SLURP1: variants seen among roughly 807,000 people sequenced by gnomAD.
SLURP1 encodes the protein secreted Ly-6/uPAR-related protein 1.
A neutral mutation model predicts 7.9 loss-of-function variants in SLURP1; 2 were observed. The ratio of observed to expected loss-of-function variants is 0.25; its 90% CI spans 0.10 to 0.79. The LOEUF (loss-of-function observed/expected upper bound fraction) is 0.79, where lower values mean the gene tolerates loss of function less well. Ranked by LOEUF, SLURP1 falls within the 30% of genes least tolerant of loss-of-function variation. The pLI, the probability that SLURP1 is intolerant of heterozygous loss-of-function variation, is 0.69. For synonymous variants in SLURP1, 59 were observed against 54.9 expected, an observed-to-expected ratio of 1.07 and a Z score of -0.33; for missense variants, 111 against 139.8, an observed-to-expected ratio of 0.79 and a Z score of 1.04.
At chr8:142,742,041 A>G in intron 1 of SLURP1, 119 bp from the exon 2 acceptor site, 1 of 1,490,942 alleles carries the variant, frequency 6.7e-7, no homozygotes, top group Non-Finnish European at 9.1e-7. Context: ...GCAGCCCTTC[A>G]AGGGGCCTCT....
At position 142,741,868 on chromosome 8, in the gene SLURP1, C is replaced by T. The variant is rs1815877020; in HGVS notation, c.113G>A (p.Arg38Lys). 1 of 1,613,184 alleles carries T rather than the reference C, an allele frequency of 6.2e-7. No homozygotes were observed. Among genetic ancestry groups the T allele is most frequent in the African/African-American group, 1.3e-5 (1 of 74,932 alleles). Residue 38 changes from arginine (R) to lysine (K), a missense_variant, in exon 2 of 3, where the codon AGG becomes AAG. Arg to Lys is a conservative substitution (Grantham distance 26, BLOSUM62 2). Transcript: ENST00000246515. This position sits in a 1 kb window ranked among gnomAD's most constrained non-coding sequence, Gnocchi z 4.3. ...CKEPMTSASC[R>K]TITRCKPEDT... is the part of the protein sequence containing the mutation. ...CTCTGGCTTGCAGCGGGTAATGGTCCTGCAGGAAGCACTGGTCATGGGCTC... is the reference window on the plus strand; with the variant it reads ...CTCTGGCTTGCAGCGGGTAATGGTCTTGCAGGAAGCACTGGTCATGGGCTC...
Position 142,741,811 on chromosome 8 carries a change from A to G in SLURP1, c.170T>C (p.Val57Ala), listed in dbSNP as rs1815875695. 1.9e-6 allele frequency: 3 copies of G among 1,612,070 alleles called. No homozygotes were observed. The highest frequency in any genetic ancestry group is 4.5e-5 in the East Asian group (2 of 44,872). ...GTGGGGCCTGGCCTCACCTGCCTCC[A>G]CCGTCACCAGCGTGGTCATGCAGGC... ...DTACMTTLVT[V>A]EAEYPFNQSP... Residue 57 changes from valine (V) to alanine (A), a missense_variant, in exon 2 of 3, where the codon GTG becomes GCG. Coordinates refer to ENST00000246515, the MANE Select transcript of SLURP1 (RefSeq NM_020427.3). This position sits in a 1 kb window ranked among gnomAD's most constrained non-coding sequence, Gnocchi z 4.3.
At position 142,741,434 on chromosome 8, in the gene SLURP1, C is replaced by T. The variant is rs1815867177; in HGVS notation, c.179-158G>A. ...CACCCAGGGCCCAGCCCTCCTCTGA[C>T]TGTGACCTGTTCATGAATTATTAGG... is the stretch of plus-strand genomic sequence containing the variant. On this transcript the variant is annotated intron_variant, in intron 2 of 2. Coordinates refer to ENST00000246515, the MANE Select transcript of SLURP1 (RefSeq NM_020427.3). The surrounding 1 kb of genome is among the most constrained non-coding windows in gnomAD (Gnocchi z 4.3). Among the ~76,000 whole-genome samples the T allele has an allele frequency of 6.6e-6, 1 of 152,240 alleles. No individual in the cohort carries two copies.
rs1030067997 is a variant in SLURP1 at position 142,741,351 on chromosome 8, G to A, written c.179-75C>T. ...TGCTGCTGCACTGCTCCCAGCCGCC[G>A]TCGCCTGACCTCACCCTCCCTGTGA... On this transcript the variant is annotated intron_variant, in intron 2 of 2. Coordinates refer to ENST00000246515, the MANE Select transcript of SLURP1 (RefSeq NM_020427.3). The surrounding 1 kb of genome is among the most constrained non-coding windows in gnomAD (Gnocchi z 4.3). The A allele has an allele frequency of 2.4e-5, 36 of 1,507,716 alleles. No homozygotes were observed. The South Asian group carries it at 3.2e-4, about 14-fold the overall frequency. 93.4% of individuals were successfully genotyped at this position (1,507,716 alleles called of 1,614,324 possible). A position where few individuals can be genotyped will look rare whatever the true frequency, so the allele number is the denominator to read the frequency against.
In SLURP1 at chr8:142,741,845, C is replaced by G; in HGVS notation, c.136G>C (p.Glu46Gln). 6.2e-7 allele frequency: 1 copy of G among 1,613,280 alleles called. No individual in the cohort carries two copies. The highest frequency in any genetic ancestry group is 1.1e-5 in the South Asian group (1 of 91,088). ...AGCGTGGTCATGCAGGCTGTGTCCT[C>G]TGGCTTGCAGCGGGTAATGGTCCTG... ...SCRTITRCKP[E>Q]DTACMTTLVT... The change falls in exon 2 of 3, where the codon GAG (glutamate) becomes CAG (glutamine). Residue 46 changes from glutamate (E) to glutamine (Q), a missense_variant. Physicochemically the swap from Glu to Gln is conservative, Grantham distance 29. Transcript: ENST00000246515. The surrounding 1 kb of genome is among the most constrained non-coding windows in gnomAD (Gnocchi z 4.3).
Position 142,741,940 on chromosome 8 carries a change from G to C in SLURP1, c.59-18C>G, listed in dbSNP as rs373717986. The C allele has an allele frequency of 6.2e-7, 1 of 1,610,442 alleles. No homozygotes were observed. Among genetic ancestry groups the C allele is most frequent in the Non-Finnish European group, 8.5e-7 (1 of 1,179,914 alleles). On this transcript the variant is annotated intron_variant, in intron 1 of 2. Transcript: ENST00000246515. This position sits in a 1 kb window ranked among gnomAD's most constrained non-coding sequence, Gnocchi z 4.3. ...GGCCTCACCTGGGTGAGGGATGGGG[G>C]CAGAACCTCATCACCTGACCTCGGT...
chr8:142,741,002 CT>C lies in SLURP1; in HGVS notation c.*140del, dbSNP rs1270830352. On this transcript the variant is annotated 3_prime_UTR_variant, in exon 3 of 3. Coordinates refer to ENST00000246515, the MANE Select transcript of SLURP1 (RefSeq NM_020427.3). This position sits in a 1 kb window ranked among gnomAD's most constrained non-coding sequence, Gnocchi z 4.3. ...GGGGTATGGAAGGCAGAGGGCGCCC[CT>C]GGTGTGCTTCTCTCCCCTCAGACCC... is the stretch of plus-strand genomic sequence containing the variant. 32 of 1,267,496 alleles carry C rather than the reference CT, an allele frequency of 2.5e-5. No homozygotes were observed. The highest frequency in any genetic ancestry group is 3.7e-5 in the Admixed American group (2 of 53,446). The allele number at this position is 1,267,496 out of a possible 1,614,324, so 78.5% of individuals were successfully genotyped here.
At position 142,741,886 on chromosome 8, in the gene SLURP1, A is replaced by G; in HGVS notation, c.95T>C (p.Met32Thr). The G allele has an allele frequency of 1.2e-6, 2 of 1,613,088 alleles. No individual in the cohort carries two copies. Among genetic ancestry groups the G allele is most frequent in the Non-Finnish European group, 1.7e-6 (2 of 1,179,970 alleles). The stretch of plus-strand genomic sequence containing the variant: ...AATGGTCCTGCAGGAAGCACTGGTC[A>G]TGGGCTCCTTGCAGGTGTAGCACTT... ...ALKCYTCKEP[M>T]TSASCRTITR... The change falls in exon 2 of 3, where the codon ATG becomes ACG. Residue 32 changes from methionine to threonine, a missense_variant. Physicochemically the swap from Met to Thr is moderately conservative, Grantham distance 81. Transcript: ENST00000246515. The surrounding 1 kb of genome is among the most constrained non-coding windows in gnomAD (Gnocchi z 4.3).
At position 142,741,612 on chromosome 8, in the gene SLURP1, C is replaced by A. The variant is rs898721531; in HGVS notation, c.178+191G>T. Among the ~76,000 whole-genome samples the A allele has an allele frequency of 2.0e-5, 3 of 152,212 alleles. No homozygotes were observed. The highest frequency in any genetic ancestry group is 4.4e-5 in the Non-Finnish European group (3 of 68,034). On this transcript the variant is annotated intron_variant, in intron 2 of 2. Transcript: ENST00000246515. This position sits in a 1 kb window ranked among gnomAD's most constrained non-coding sequence, Gnocchi z 4.3. Reference sequence around the variant, plus strand: ...CCCACCCACCTCCAGCGCCTGGTGCCCCAGGACTGGGTCTCTGAGGGGGCT... The same window carrying A: ...CCCACCCACCTCCAGCGCCTGGTGCACCAGGACTGGGTCTCTGAGGGGGCT...
intron 1 of SLURP1, 136 bp downstream of exon 1, chr8:142,742,192 T>C: frequency 1.9e-6 from 2 of 1,073,304 alleles, no homozygotes; most frequent in Non-Finnish European, 2.8e-6. Flanking sequence ...GGAGGCTCAC[T>C]GAGAATGAGG....
intron 1 of SLURP1, among the ~76,000 whole-genome samples, 177 bp downstream of exon 1, chr8:142,742,151 G>C (rs1368393868): frequency 6.6e-6 from 1 of 152,182 alleles, no homozygotes; most frequent in Non-Finnish European, 1.5e-5. Context: ...CGTGACCCCT[G>C]TCCCAGGGTG....
At chr8:142,742,289 C>T in intron 1 of SLURP1, 39 bp downstream of exon 1, 1 of 1,609,096 alleles carries the variant, frequency 6.2e-7, no homozygotes, top group Non-Finnish European at 8.5e-7. Flanking sequence ...GGCAGACAAG[C>T]TCAGAGGCAG....
rs1815864531 is a variant in SLURP1 at position 142,741,318 on chromosome 8, C to T, written c.179-42G>A. The stretch of plus-strand genomic sequence containing the variant: ...TGTCAGAACCCTCACTCCCCTGCAG[C>T]GCCTGCCTGCTGCTGCACTGCTCCC... On this transcript the variant is annotated intron_variant, in intron 2 of 2. Coordinates refer to ENST00000246515, the MANE Select transcript of SLURP1 (RefSeq NM_020427.3). This position sits in a 1 kb window ranked among gnomAD's most constrained non-coding sequence, Gnocchi z 4.3. 3.9e-6 allele frequency: 6 copies of T among 1,543,860 alleles called. No homozygotes were observed. The highest frequency in any genetic ancestry group is 3.5e-5 in the South Asian group (3 of 84,738).
rs1210142051 is a variant in SLURP1, at chr8:142,741,277, C to G, written c.179-1G>C. On this transcript the variant is annotated splice_acceptor_variant, in intron 2 of 2. Coordinates refer to ENST00000246515, the MANE Select transcript of SLURP1 (RefSeq NM_020427.3). LOFTEE classifies it high-confidence loss of function. The surrounding 1 kb of genome is among the most constrained non-coding windows in gnomAD (Gnocchi z 4.3). ...ACGGGGCTCTGGTTGAAGGGGTACT[C>G]TGCAGGGTGGGCCAGTGTCAGAACC... 1 of 1,592,380 alleles carries G rather than the reference C, an allele frequency of 6.3e-7. No homozygotes were observed. Among genetic ancestry groups the G allele is most frequent in the South Asian group, 1.1e-5 (1 of 89,236 alleles).
Position 142,741,050 on chromosome 8 carries a change from C to A in SLURP1, c.*93G>T. On this transcript the variant is annotated 3_prime_UTR_variant, in exon 3 of 3. Transcript: ENST00000246515. This position sits in a 1 kb window ranked among gnomAD's most constrained non-coding sequence, Gnocchi z 4.3. ...ACCCCATGAGTGAGCTGTGCCACAG[C>A]AGCAGGAAGCAGGGGGAGGTGATCA... The A allele has an allele frequency of 6.4e-7, 1 of 1,572,838 alleles. No individual in the cohort carries two copies. The highest frequency in any genetic ancestry group is 8.6e-7 in the Non-Finnish European group (1 of 1,158,392).
rs1203717002 is a variant in SLURP1 at position 142,741,950 on chromosome 8, A to G, written c.59-28T>C. ...GGGTGAGGGATGGGGGCAGAACCTCATCACCTGACCTCGGTGGCCTCATCC... is the reference window on the plus strand; with the variant it reads ...GGGTGAGGGATGGGGGCAGAACCTCGTCACCTGACCTCGGTGGCCTCATCC... On this transcript the variant is annotated intron_variant, in intron 1 of 2. Coordinates refer to ENST00000246515, the MANE Select transcript of SLURP1 (RefSeq NM_020427.3). The surrounding 1 kb of genome is among the most constrained non-coding windows in gnomAD (Gnocchi z 4.3). 1.2e-6 allele frequency: 2 copies of G among 1,609,036 alleles called. No homozygotes were observed. The highest frequency in any genetic ancestry group is 2.2e-5 in the East Asian group (1 of 44,880).
chr8:142,742,231 G>C, intron 1 of SLURP1, 97 bp downstream of exon 1: 1 of 1,326,826 alleles, frequency 7.5e-7, no homozygotes, highest in Admixed American at 1.8e-5. Flanking sequence ...GCCTAAGGAG[G>C]CTCTCAGCCA....
Position 142,741,276 on chromosome 8 carries a change from T to C in SLURP1, c.179A>G (p.Glu60Gly). 1.3e-6 allele frequency: 2 copies of C among 1,593,264 alleles called. No individual in the cohort carries two copies. Among genetic ancestry groups the C allele is most frequent in the Non-Finnish European group, 1.7e-6 (2 of 1,173,046 alleles). Residue 60 changes from glutamate (E) to glycine (G), a missense_variant and splice_region_variant, in exon 3 of 3, where the codon GAG becomes GGG. By Grantham distance (98) the Glu-to-Gly change is moderately conservative (BLOSUM62 -2). Transcript: ENST00000246515. This position sits in a 1 kb window ranked among gnomAD's most constrained non-coding sequence, Gnocchi z 4.3. ...CACGGGGCTCTGGTTGAAGGGGTACTCTGCAGGGTGGGCCAGTGTCAGAAC... is the reference window on the plus strand; with the variant it reads ...CACGGGGCTCTGGTTGAAGGGGTACCCTGCAGGGTGGGCCAGTGTCAGAAC... ...CMTTLVTVEAEYPFNQSPVVT... is the reference protein window; with the variant it reads ...CMTTLVTVEAGYPFNQSPVVT...
rs778450307 is a variant in SLURP1 at position 142,741,757 on chromosome 8, G to T, written c.178+46C>A. 3 of 1,603,314 alleles carry T rather than the reference G, an allele frequency of 1.9e-6. No homozygotes were observed. The highest frequency in any genetic ancestry group is 2.5e-6 in the Non-Finnish European group (3 of 1,179,668). ...AGGAGGGAGGCACTTGGGGGAGGTG[G>T]CCCTGACTCCAGTGCACCCAGGGCT... On this transcript the variant is annotated intron_variant, in intron 2 of 2. Coordinates refer to ENST00000246515, the MANE Select transcript of SLURP1 (RefSeq NM_020427.3). This position sits in a 1 kb window ranked among gnomAD's most constrained non-coding sequence, Gnocchi z 4.3.
Sources: gnomAD v4.1 joint callset for allele counts (sites outside exome capture counted in the v4.1 genomes callset) on GRCh38, gnomAD v4.1.1 for gene constraint, Gnocchi (gnomAD v3.1) non-coding constraint, MANE v1.5 for transcripts, NCBI Gene and HGNC (gene_info 2026-07-23, HGNC 2026-07-21) for gene names.